The following COPS7B variants were observed in gnomAD, a reference collection of about 807,000 sequenced individuals.
The protein encoded by COPS7B is COP9 signalosome complex subunit 7b.
A neutral mutation model predicts 33.4 loss-of-function variants in COPS7B; 9 were observed. The ratio of observed to expected loss-of-function variants is 0.27; its 90% CI spans 0.16 to 0.47. The LOEUF is 0.47. Ranked by LOEUF, COPS7B falls within the 20% of genes least tolerant of loss-of-function variation. The pLI, the probability that COPS7B is intolerant of heterozygous loss-of-function variation, is 0.99. For synonymous variants in COPS7B, 119 were observed against 126.3 expected, an observed-to-expected ratio of 0.94 and a Z score of 0.39; for missense variants, 242 against 318.2, an observed-to-expected ratio of 0.76 and a Z score of 1.82.
intron 3 of COPS7B, 64 bp downstream of exon 3, chr2:231,791,872 C>A: frequency 6.9e-7 from 1 of 1,456,176 alleles, no homozygotes; most frequent in Non-Finnish European, 9.6e-7. Flanking sequence ...GGAAGACCAT[C>A]AAGGTTTGAG....
chr2:231,794,300 G>T lies in COPS7B; in HGVS notation c.276G>T (p.Gln92His). 1.2e-6 allele frequency: 2 copies of T among 1,614,134 alleles called. No individual in the cohort carries two copies. The highest frequency in any genetic ancestry group is 1.7e-6 in the Non-Finnish European group (2 of 1,180,014). The change falls in exon 4 of 7, where the codon CAG (glutamine) becomes CAT (histidine). Residue 92 changes from glutamine (Q) to histidine (H), a missense_variant. By Grantham distance (24) the Gln-to-His change is conservative. Coordinates refer to ENST00000350033, the MANE Select transcript of COPS7B (RefSeq NM_022730.4). Reference protein sequence around the residue: ...KESLPELSTAQQNKLKHLTIV... With the variant: ...KESLPELSTAHQNKLKHLTIV... ...GCCTGCCAGAACTGAGCACAGCTCA[G>T]CAGAACAAGCTGAAGCATCTTACCA... is the stretch of plus-strand genomic sequence containing the variant.
intron 4 of COPS7B, 39 bp downstream of exon 4, chr2:231,794,390 C>T: frequency 6.6e-7 from 1 of 1,525,906 alleles, no homozygotes; most frequent in Non-Finnish European, 9.1e-7. Flanking sequence ...CTCCTTACCC[C>T]AAGTCAGCTG....
At position 231,808,801 on chromosome 2, in the gene COPS7B, GT is replaced by G. The variant is rs2049971357; in HGVS notation, c.*1157del. 1.0e-5 allele frequency: 2 copies of G among 198,436 alleles called. No homozygotes were observed. Among genetic ancestry groups the G allele is most frequent in the African/African-American group, 6.7e-5 (2 of 29,918 alleles). 12.3% of individuals were successfully genotyped at this position (198,436 alleles called of 1,614,324 possible). ...TTGGAGGGTGGGGGTGGGGTGGGGT[GT>G]GTGTGTGTGTGTGTGTGTGTGTGTG... is the stretch of plus-strand genomic sequence containing the variant. On this transcript the variant is annotated 3_prime_UTR_variant, in exon 7 of 7. Transcript: ENST00000350033.
At chr2:231,801,572 G>T (rs1364459635) in intron 6 of COPS7B, among the ~76,000 whole-genome samples, 1 of 151,588 alleles carries the variant, frequency 6.6e-6, no homozygotes, top group African/African-American at 2.4e-5. Context: ...CTCCCAAGTT[G>T]CTAGGACTAT....
At chr2:231,794,424 G>A in intron 4 of COPS7B, 73 bp downstream of exon 4, 1 of 1,211,728 alleles carries the variant, frequency 8.3e-7, no homozygotes. Flanking sequence ...AATGAAGGAA[G>A]TCCCAGCTGC....
chr2:231,786,709 A>T (rs1574650245), intron 1 of COPS7B, among the ~76,000 whole-genome samples, 171 bp downstream of exon 1: 1 of 152,044 alleles, frequency 6.6e-6, no homozygotes, highest in Non-Finnish European at 1.5e-5. Context: ...TGCTTGGAGC[A>T]TACCGCCCAC....
intron 6 of COPS7B, among the ~76,000 whole-genome samples, chr2:231,805,787 T>C (rs1482554925): frequency 6.6e-6 from 1 of 151,012 alleles, no homozygotes; most frequent in Non-Finnish European, 1.5e-5. Context: ...GGACTACAGG[T>C]GCATGCCACC....
At chr2:231,800,951 C>G (rs2049726635) in intron 6 of COPS7B, among the ~76,000 whole-genome samples, 1 of 152,148 alleles carries the variant, frequency 6.6e-6, no homozygotes, top group South Asian at 2.1e-4. Context: ...CTGCTTGCCA[C>G]CTACTTGAGG....
At chr2:231,801,630 C>CTT (rs199606465) in intron 6 of COPS7B, among the ~76,000 whole-genome samples, 1,742 of 130,982 alleles carry the variant, frequency 0.013, 28 homozygotes, top group Non-Finnish European at 0.019. Context: ...TTTTTCTTTT[C>CTT]TTTTTTTTTT....
chr2:231,795,859 A>C (rs1433561301), intron 4 of COPS7B, among the ~76,000 whole-genome samples: 1 of 152,182 alleles, frequency 6.6e-6, no homozygotes, highest in Non-Finnish European at 1.5e-5. Flanking sequence ...AGTATGCTGC[A>C]GCATGTGAAA....
At chr2:231,786,376 C>T (rs1574649391), upstream of COPS7B, 1 of 909,660 alleles carries the variant, frequency 1.1e-6, no homozygotes, top group East Asian at 1.2e-4. Flanking sequence ...GGGCGGAACG[C>T]GAGTGCAGCG....
At chr2:231,800,059 A>T (rs2049698831) in intron 6 of COPS7B, among the ~76,000 whole-genome samples, 1 of 152,098 alleles carries the variant, frequency 6.6e-6, no homozygotes, top group Admixed American at 6.5e-5. Context: ...AATTTTTTTG[A>T]ATACACACAC....
Position 231,798,976 on chromosome 2 carries a change from A to G in COPS7B, c.636+12A>G. On this transcript the variant is annotated intron_variant, in intron 6 of 6. Transcript: ENST00000350033. ...AGGTAGAAGCAGAGGTAAGGAAGGA[A>G]AGGAACATTTGTTTCTCTCTCCAGG... The G allele has an allele frequency of 6.2e-7, 1 of 1,607,198 alleles. No individual in the cohort carries two copies.
At chr2:231,796,028 G>A in intron 4 of COPS7B, 78 bp from the exon 5 acceptor site, 2 of 1,230,684 alleles carry the variant, frequency 1.6e-6, no homozygotes, top group South Asian at 1.3e-5. Flanking sequence ...GGCAGCTGTT[G>A]GCTATGGGAG....
intron 1 of COPS7B, among the ~76,000 whole-genome samples, chr2:231,788,053 A>G (rs2049301066): frequency 6.6e-6 from 1 of 152,124 alleles, no homozygotes; most frequent in African/African-American, 2.4e-5. Context: ...TTCAAACACC[A>G]GAATTTAGGA....
intron 4 of COPS7B, 141 bp from the exon 5 acceptor site, chr2:231,795,965 T>C: frequency 1.5e-6 from 1 of 648,558 alleles, no homozygotes; most frequent in South Asian, 1.9e-5. Context: ...TATCCACCTC[T>C]TGTTGCCCTA....
At chr2:231,794,947 T>C (rs1033374230) in intron 4 of COPS7B, among the ~76,000 whole-genome samples, 1 of 141,700 alleles carries the variant, frequency 7.1e-6, no homozygotes, top group Admixed American at 7.3e-5. Context: ...TGAGACAGAG[T>C]GTTGCTCTGT....
At chr2:231,787,456 AC>A (rs2106306609) in intron 1 of COPS7B, among the ~76,000 whole-genome samples, 1 of 152,332 alleles carries the variant, frequency 6.6e-6, no homozygotes, top group East Asian at 1.9e-4. Context: ...GAACTCCTGT[AC>A]ACTCAGCGTG....
At chr2:231,798,751 G>A in intron 5 of COPS7B, 108 bp from the exon 6 acceptor site, 1 of 797,720 alleles carries the variant, frequency 1.3e-6, no homozygotes, top group South Asian at 1.7e-5. Context: ...AGTATTAAAG[G>A]AGGTCCCTGT....
Sources: allele counts gnomAD v4.1 joint callset (sites outside exome capture counted in the v4.1 genomes callset), GRCh38; gene constraint gnomAD v4.1.1; transcripts MANE v1.5; gene names NCBI Gene and HGNC (gene_info 2026-07-23, HGNC 2026-07-21).